The following CDKL5 variants were observed in gnomAD, a reference collection of about 807,000 sequenced individuals.
CDKL5 encodes the protein cyclin-dependent kinase-like 5.
Under a neutral mutation model 61.7 loss-of-function variants are expected in CDKL5, and 8 were observed. That is an observed-to-expected ratio of 0.13 (90% CI 0.08 to 0.23). CDKL5 has a LOEUF of 0.23. Among genes scored for constraint, CDKL5 ranks in the 10% least tolerant of loss-of-function variants. The probability of loss-of-function intolerance (pLI) is 1.00; values close to 1 mark genes in which losing one functional copy is unlikely to be tolerated. For missense variants in CDKL5, 440 were observed against 734.5 expected, an observed-to-expected ratio of 0.60 and a Z score of 4.63; for synonymous variants, 275 against 272.3, an observed-to-expected ratio of 1.01 and a Z score of -0.10.
intron 13 of CDKL5, 39 bp downstream of exon 13, chrX:18,608,951 A>T (rs780401462): frequency 1.1e-6 from 1 of 882,927 alleles, no homozygotes; most frequent in African/African-American, 2.0e-5. Context: ...CATTTGTTCA[A>T]CATCATTACT....
intron 3 of CDKL5, among the ~76,000 whole-genome samples, chrX:18,525,064 A>G (rs1342584616): frequency 1.8e-5 from 2 of 111,331 alleles, no homozygotes; most frequent in Non-Finnish European, 3.8e-5. Flanking sequence ...TTGGGACTAT[A>G]GGCTCATGCC....
At chrX:18,480,872 T>C (rs1482563244) in intron 1 of CDKL5, among the ~76,000 whole-genome samples, 1 of 98,419 alleles carries the variant, frequency 1.0e-5, no homozygotes, top group Non-Finnish European at 2.1e-5. Context: ...TTTTTTTTTT[T>C]TTGGAGAGGA....
intron 1 of CDKL5, among the ~76,000 whole-genome samples, chrX:18,475,414 C>T (rs2147067699): frequency 9.0e-6 from 1 of 111,130 alleles, no homozygotes; most frequent in African/African-American, 3.3e-5. Flanking sequence ...CCCACCTCAG[C>T]CTCCTGAGTA....
At position 18,619,985 on chromosome X, in the gene CDKL5, T is replaced by G; in HGVS notation, c.2376+19T>G. On this transcript the variant is annotated intron_variant, in intron 16 of 17. Transcript: ENST00000623535. ...TCAAACAGTAAGTAGATGACCAGTT[T>G]CTATATATAATAACATGTTTCTGCA... 1.1e-6 allele frequency: 1 copy of G among 948,682 alleles called. No individual in the cohort carries two copies. Among genetic ancestry groups the G allele is most frequent in the Non-Finnish European group, 1.5e-6 (1 of 661,475 alleles). 78.2% of individuals were successfully genotyped at this position (948,682 alleles called of 1,213,427 possible). A position where few individuals can be genotyped will look rare whatever the true frequency, so the allele number is the denominator to read the frequency against.
chrX:18,653,517 T>C, exon 22 of CDKL5: 3 of 1,211,777 alleles, frequency 2.5e-6, no homozygotes, highest in Non-Finnish European at 3.4e-6. Flanking sequence ...TGACATACCA[T>C]GAGAATGCGG....
intron 12 of CDKL5, among the ~76,000 whole-genome samples, chrX:18,608,492 A>C (rs1179081969): frequency 9.0e-6 from 1 of 111,634 alleles, no homozygotes; most frequent in Non-Finnish European, 1.9e-5. Context: ...TCCTAATCAG[A>C]GGGCCGCTCA....
chrX:18,470,266 A>T (rs1197216008), intron 1 of CDKL5, among the ~76,000 whole-genome samples: 2 of 100,889 alleles, frequency 2.0e-5, no homozygotes, highest in Non-Finnish European at 4.0e-5. Flanking sequence ...AACCCAGGAG[A>T]TGGTGGTTGC....
chrX:18,565,116 A>G (rs1372507606), intron 4 of CDKL5, among the ~76,000 whole-genome samples: 1 of 112,309 alleles, frequency 8.9e-6, no homozygotes, highest in Non-Finnish European at 1.9e-5. Flanking sequence ...ATGCTGGGCA[A>G]GAAAGTTTAA....
intron 1 of CDKL5, among the ~76,000 whole-genome samples, chrX:18,430,856 A>G (rs1381065473): frequency 9.2e-6 from 1 of 108,426 alleles, no homozygotes; most frequent in African/African-American, 3.4e-5. Flanking sequence ...TTACATTTTT[A>G]ATTTTTTTTT....
intron 11 of CDKL5, 65 bp from the exon 12 acceptor site, chrX:18,603,837 T>C: frequency 8.7e-7 from 1 of 1,147,298 alleles, no homozygotes; most frequent in South Asian, 1.8e-5. Context: ...TCTTTCTTTT[T>C]AACAATACTT....
At chrX:18,458,597 C>T (rs1161376058) in intron 1 of CDKL5, among the ~76,000 whole-genome samples, 1 of 111,402 alleles carries the variant, frequency 9.0e-6, no homozygotes. Context: ...GTTCCAGCTA[C>T]TGTGGGAGTT....
intron 17 of CDKL5, chrX:18,627,635 G>A (rs1440744433): frequency 9.0e-6 from 1 of 111,364 alleles, no homozygotes; most frequent in Non-Finnish European, 1.9e-5. Context: ...TAGCTGCACA[G>A]TAGACAGACA....
intron 1 of CDKL5, among the ~76,000 whole-genome samples, chrX:18,462,340 CAG>C (rs1932308552): frequency 9.0e-6 from 1 of 110,989 alleles, no homozygotes; most frequent in African/African-American, 3.3e-5. Context: ...AAGTGGTTCT[CAG>C]AGTGTGGTCC....
intron 4 of CDKL5, among the ~76,000 whole-genome samples, chrX:18,569,785 G>A (rs1303528753): frequency 9.0e-6 from 1 of 110,683 alleles, no homozygotes; most frequent in Non-Finnish European, 1.9e-5. Context: ...GTAAGGTGAT[G>A]GAGTGAGGGG....
rs1293738840 is a variant in CDKL5 at position 18,604,829 on chromosome X, G to A, written c.1905G>A (p.Met635Ile). Residue 635 changes from methionine to isoleucine, a missense_variant, in exon 12 of 18, where the codon ATG (methionine) becomes ATA (isoleucine). Met to Ile is a conservative substitution (Grantham distance 10, BLOSUM62 1). Transcript: ENST00000623535. ...GAAGCTTGAGCATAGGGCAAGGGAT[G>A]GCAGCTAGAGCCAACAGCCTGCAAC... The part of the protein sequence containing the change: ...LDGSLSIGQG[M>I]AARANSLQLL... 3 of 1,211,517 alleles carry A rather than the reference G, an allele frequency of 2.5e-6. No individual in the cohort carries two copies. The South Asian group carries it at 5.3e-5, about 21-fold the overall frequency.
At chrX:18,474,329 T>G (rs1178514042) in intron 1 of CDKL5, among the ~76,000 whole-genome samples, 1 of 111,662 alleles carries the variant, frequency 9.0e-6, no homozygotes, top group African/African-American at 3.3e-5. Context: ...TGGTATGTGT[T>G]GATTATTTCC....
intron 1 of CDKL5, among the ~76,000 whole-genome samples, chrX:18,473,682 T>C (rs1007684527): frequency 9.1e-6 from 1 of 109,867 alleles, no homozygotes; most frequent in South Asian, 4.0e-4. Context: ...CCTGGACTTT[T>C]ACATGAAAGA....
At chrX:18,491,332 T>A (rs1276647357) in intron 1 of CDKL5, among the ~76,000 whole-genome samples, 2 of 112,036 alleles carry the variant, frequency 1.8e-5, no homozygotes, top group East Asian at 5.6e-4. Flanking sequence ...AAAAAGGAAC[T>A]TGGAGATCGT....
At chrX:18,541,804 A>T (rs1602250422) in intron 3 of CDKL5, among the ~76,000 whole-genome samples, 2 of 110,756 alleles carry the variant, frequency 1.8e-5, no homozygotes, top group Non-Finnish European at 1.9e-5. Context: ...ACAGGTGTGA[A>T]CCACCATGCC....
Sources: gnomAD v4.1 joint callset for allele counts (sites outside exome capture counted in the v4.1 genomes callset) on GRCh38, gnomAD v4.1.1 for gene constraint, MANE v1.5 for transcripts, NCBI Gene and HGNC (gene_info 2026-07-23, HGNC 2026-07-21) for gene names.